The following FBXO25 variants were observed in gnomAD, a reference collection of about 807,000 sequenced individuals.
The protein encoded by FBXO25 is F-box only protein 25.
FBXO25 carries 45 observed loss-of-function variants against 51.9 expected under a neutral mutation model. The observed-to-expected ratio is 0.87, with a 90% confidence interval of 0.68 to 1.11. The LOEUF (loss-of-function observed/expected upper bound fraction) is 1.11. Among genes scored for constraint, FBXO25 ranks in the 50% most tolerant of loss-of-function variants. The pLI is 0.00. For synonymous variants in FBXO25, 199 were observed against 151.0 expected (o/e 1.32, Z -2.33); for missense variants, 507 against 428.5 (o/e 1.18, Z -1.62).
chr8:413,373 G>C (rs957878973), intron 2 of FBXO25, among the ~76,000 whole-genome samples, 160 bp downstream of exon 2: 3 of 151,914 alleles, frequency 2.0e-5, no homozygotes, highest in Non-Finnish European at 2.9e-5. Flanking sequence ...GAGGCTAGTA[G>C]ATTGCCTAAT....
At chr8:449,670 A>C (rs1490448675) in intron 5 of FBXO25, among the ~76,000 whole-genome samples, 11 of 152,162 alleles carry the variant, frequency 7.2e-5, no homozygotes, top group Non-Finnish European at 1.5e-4. Context: ...TTTGCTACAG[A>C]GGCTGGAAAG....
chr8:469,704 C>A lies in FBXO25; in HGVS notation c.*900C>A, dbSNP rs948874925. 1 of 152,112 alleles carries A rather than the reference C, an allele frequency of 6.6e-6. No homozygotes were observed. Among genetic ancestry groups the A allele is most frequent in the East Asian group, 1.9e-4 (1 of 5,200 alleles). The allele number at this position is 152,112 out of a possible 1,614,324, so 9.4% of individuals were successfully genotyped here. A position where few individuals can be genotyped will look rare whatever the true frequency, so the allele number is the denominator to read the frequency against. On this transcript the variant is annotated 3_prime_UTR_variant, in exon 10 of 10. Coordinates refer to ENST00000350302, the MANE Select transcript of FBXO25 (RefSeq NM_183420.2). ...AAATTAGAAAATCAGTCCCACCACC[C>A]AAAGATTATTGTGCATGCTGAAAAG...
chr8:451,115 C>T, intron 6 of FBXO25, 154 bp from the exon 7 acceptor site: 1 of 612,054 alleles, frequency 1.6e-6, no homozygotes, highest in Non-Finnish European at 2.7e-6. Flanking sequence ...GAATTTCCCT[C>T]CTTTTTAGGG....
intron 2 of FBXO25, among the ~76,000 whole-genome samples, chr8:428,147 C>G (rs1362536155): frequency 6.6e-6 from 1 of 152,098 alleles, no homozygotes; most frequent in African/African-American, 2.4e-5. Flanking sequence ...TCTCTATTCT[C>G]TTCTCTTCCT....
intron 5 of FBXO25, among the ~76,000 whole-genome samples, chr8:448,698 G>C (rs1390123769): frequency 6.6e-6 from 1 of 152,152 alleles, no homozygotes; most frequent in Non-Finnish European, 1.5e-5. Flanking sequence ...AGAAAAGGTC[G>C]GTGGTTAGAG....
rs1800686124 is a variant in FBXO25, at chr8:477,766, C to G, written c.*8962C>G. On this transcript the variant is annotated 3_prime_UTR_variant, in exon 10 of 10. Transcript: ENST00000350302. ...TTCCAAACTTTTTGGACAATAAAAT[C>G]TGAATTTCACATACTTTTCTTATGT... The G allele has an allele frequency of 6.6e-6, 1 of 152,256 alleles. No homozygotes were observed. The highest frequency in any genetic ancestry group is 2.4e-5 in the African/African-American group (1 of 41,460). The allele number at this position is 152,256 out of a possible 1,614,324, so 9.4% of individuals were successfully genotyped here.
intron 2 of FBXO25, among the ~76,000 whole-genome samples, chr8:426,176 C>G (rs1018323259): frequency 1.3e-5 from 2 of 152,124 alleles, no homozygotes; most frequent in Admixed American, 6.5e-5. Context: ...TTGCATCTGC[C>G]TCTAGTCATT....
intron 2 of FBXO25, among the ~76,000 whole-genome samples, chr8:415,882 T>G (rs1796768446): frequency 6.6e-6 from 1 of 152,232 alleles, no homozygotes; most frequent in Admixed American, 6.5e-5. Context: ...TCCATCAGAT[T>G]TCAGTGTTAT....
chr8:461,479 G>A (rs1386445935), intron 8 of FBXO25, among the ~76,000 whole-genome samples: 2 of 152,148 alleles, frequency 1.3e-5, no homozygotes, highest in African/African-American at 4.8e-5. Context: ...ATCAGATCTT[G>A]TGAGACTTAT....
At chr8:432,072 G>T (rs1188415028) in intron 3 of FBXO25, among the ~76,000 whole-genome samples, 2 of 152,014 alleles carry the variant, frequency 1.3e-5, no homozygotes, top group Non-Finnish European at 2.9e-5. Flanking sequence ...AGAGATTAAC[G>T]AGAATAATAA....
chr8:431,682 A>T (rs892822170), intron 3 of FBXO25, among the ~76,000 whole-genome samples: 18 of 152,206 alleles, frequency 1.2e-4, no homozygotes, highest in African/African-American at 3.4e-4. Flanking sequence ...CATGAATCTG[A>T]ATGCTTGAAT....
chr8:469,226 A>C lies in FBXO25; in HGVS notation c.*422A>C, dbSNP rs1800390073. The C allele has an allele frequency of 6.4e-6, 1 of 157,250 alleles. No homozygotes were observed. The highest frequency in any genetic ancestry group is 6.4e-5 in the Admixed American group (1 of 15,536). The allele number at this position is 157,250 out of a possible 1,614,324, so 9.7% of individuals were successfully genotyped here. On this transcript the variant is annotated 3_prime_UTR_variant, in exon 10 of 10. Transcript: ENST00000350302. ...CAAAACATTTGATCCTTGTAAATAC[A>C]TTGTACAGAATATTTATTTTTTCTC... is the stretch of plus-strand genomic sequence containing the variant.
rs1290444122 is a variant in FBXO25, at chr8:473,426, G to C, written c.*4622G>C. On this transcript the variant is annotated 3_prime_UTR_variant, in exon 10 of 10. Transcript: ENST00000350302. ...ATGGCTGCTGCCATTCTCGCCCTCAGCATCTGTGAGATGAAGGAGTTGCTC... is the reference window on the plus strand; with the variant it reads ...ATGGCTGCTGCCATTCTCGCCCTCACCATCTGTGAGATGAAGGAGTTGCTC... 1 of 152,326 alleles carries C rather than the reference G, an allele frequency of 6.6e-6. No homozygotes were observed. The highest frequency in any genetic ancestry group is 1.5e-5 in the Non-Finnish European group (1 of 68,130). The allele number at this position is 152,326 out of a possible 1,614,324, so 9.4% of individuals were successfully genotyped here.
At chr8:439,692 C>A (rs1427396733) in intron 5 of FBXO25, among the ~76,000 whole-genome samples, 1 of 152,148 alleles carries the variant, frequency 6.6e-6, no homozygotes, top group Non-Finnish European at 1.5e-5. Flanking sequence ...TCCAAGACTC[C>A]CCAGTCCTGT....
chr8:414,949 G>C (rs1333015752), intron 2 of FBXO25, among the ~76,000 whole-genome samples: 2 of 152,190 alleles, frequency 1.3e-5, no homozygotes, highest in Non-Finnish European at 2.9e-5. Context: ...ATCCAAACCT[G>C]TGGGTAGAGG....
chr8:447,490 C>A (rs1031777947), intron 5 of FBXO25, among the ~76,000 whole-genome samples: 8 of 152,166 alleles, frequency 5.3e-5, no homozygotes, highest in African/African-American at 1.9e-4. Context: ...ACAGGAAACT[C>A]ATGAAGGAGT....
intron 1 of FBXO25, among the ~76,000 whole-genome samples, chr8:411,891 T>C (rs1169559386): frequency 1.3e-5 from 2 of 152,198 alleles, no homozygotes; most frequent in African/African-American, 4.8e-5. Context: ...GAGAATCACC[T>C]GTGGACCTTT....
At chr8:454,904 G>GAAAAAAA (rs371095638) in intron 7 of FBXO25, among the ~76,000 whole-genome samples, 5 of 130,966 alleles carry the variant, frequency 3.8e-5, no homozygotes, top group Non-Finnish European at 6.4e-5. Context: ...AAAAGAAAAA[G>GAAAAAAA]AAAAAGAAAA....
At chr8:458,311 C>T in intron 7 of FBXO25, 58 bp from the exon 8 acceptor site, 4 of 1,557,452 alleles carry the variant, frequency 2.6e-6, no homozygotes, top group Non-Finnish European at 2.6e-6. Context: ...TCTTCAGTTA[C>T]TGTGTGAACA....
Sources: allele counts gnomAD v4.1 joint callset (sites outside exome capture counted in the v4.1 genomes callset), GRCh38; gene constraint gnomAD v4.1.1; transcripts MANE v1.5; gene names NCBI Gene and HGNC (gene_info 2026-07-23, HGNC 2026-07-21).